Variants in CHCHD3 observed in about 807,000 individuals in gnomAD.
CHCHD3 encodes coiled-coil-helix-coiled-coil-helix domain containing 3, also known as MICOS complex subunit MIC19.
Under a neutral mutation model 38.2 loss-of-function variants are expected in CHCHD3, and 20 were observed. The ratio of observed to expected loss-of-function variants is 0.52; its 90% CI spans 0.37 to 0.76. The LOEUF is 0.76. CHCHD3 is among the 30% of genes least tolerant of loss of function. CHCHD3 has a pLI of 0.00. For missense variants in CHCHD3, 245 were observed against 279.2 expected, an observed-to-expected ratio of 0.88 and a Z score of 0.87; for synonymous variants, 82 against 100.0, an observed-to-expected ratio of 0.82 and a Z score of 1.07.
chr7:132,792,365 T>G (rs985079632), intron 7 of CHCHD3, among the ~76,000 whole-genome samples: 1 of 152,206 alleles, frequency 6.6e-6, no homozygotes, highest in Non-Finnish European at 1.5e-5. Context: ...TTGGAGAAAC[T>G]GTGAAACTGT....
chr7:132,810,316 T>A (rs1807036776), intron 6 of CHCHD3, among the ~76,000 whole-genome samples: 1 of 152,262 alleles, frequency 6.6e-6, no homozygotes, highest in African/African-American at 2.4e-5. Flanking sequence ...CACACTGAAC[T>A]GCACGTACCT....
intron 3 of CHCHD3, among the ~76,000 whole-genome samples, chr7:133,012,742 C>T (rs1047038424): frequency 1.4e-5 from 2 of 144,998 alleles, no homozygotes; most frequent in African/African-American, 5.1e-5. Flanking sequence ...CCACCATGGG[C>T]GACAGAGCCA....
At chr7:133,040,831 C>A (rs1185049851) in intron 2 of CHCHD3, among the ~76,000 whole-genome samples, 1 of 152,140 alleles carries the variant, frequency 6.6e-6, no homozygotes, top group Non-Finnish European at 1.5e-5. Flanking sequence ...TCTCTCACTC[C>A]CCTATACTAC....
intron 5 of CHCHD3, among the ~76,000 whole-genome samples, chr7:132,841,665 G>T (rs1017571137): frequency 6.6e-6 from 1 of 152,156 alleles, no homozygotes; most frequent in East Asian, 1.9e-4. Flanking sequence ...GATGATCTCC[G>T]AGTGGCAGCA....
intron 6 of CHCHD3, among the ~76,000 whole-genome samples, chr7:132,828,113 C>G (rs887754597): frequency 6.6e-6 from 1 of 152,120 alleles, no homozygotes; most frequent in Non-Finnish European, 1.5e-5. Flanking sequence ...TGTATATTTT[C>G]ATTTCTCTTG....
intron 4 of CHCHD3, among the ~76,000 whole-genome samples, chr7:132,965,009 T>A (rs1487480088): frequency 6.6e-6 from 1 of 152,058 alleles, no homozygotes; most frequent in Non-Finnish European, 1.5e-5. Flanking sequence ...ATTCGAGTAG[T>A]TACGGCTGCC....
intron 6 of CHCHD3, among the ~76,000 whole-genome samples, chr7:132,829,900 G>C (rs1470628591): frequency 6.6e-6 from 1 of 152,140 alleles, no homozygotes; most frequent in African/African-American, 2.4e-5. Flanking sequence ...TTCCCAATCA[G>C]CTTTGCCATC....
chr7:133,011,821 G>A (rs747576190), intron 3 of CHCHD3, among the ~76,000 whole-genome samples: 2 of 152,150 alleles, frequency 1.3e-5, no homozygotes, highest in South Asian at 2.1e-4. Flanking sequence ...TTTTATCTTA[G>A]GACCAAGCTC....
chr7:132,812,896 A>G (rs1190307372), intron 6 of CHCHD3, among the ~76,000 whole-genome samples: 3 of 152,190 alleles, frequency 2.0e-5, no homozygotes, highest in African/African-American at 4.8e-5. Context: ...GCGTCTTAAC[A>G]TGCATTGGCC....
intron 6 of CHCHD3, among the ~76,000 whole-genome samples, chr7:132,835,262 A>G (rs1585557134): frequency 6.6e-6 from 1 of 151,988 alleles, no homozygotes; most frequent in African/African-American, 2.4e-5. Flanking sequence ...GATTACAGGC[A>G]TGAGCCACCT....
At chr7:132,912,572 T>C (rs1002653481) in intron 4 of CHCHD3, among the ~76,000 whole-genome samples, 4 of 152,210 alleles carry the variant, frequency 2.6e-5, no homozygotes, top group Admixed American at 1.3e-4. Flanking sequence ...TTTTTTTCTT[T>C]GAGACAAAGT....
At chr7:133,066,684 A>G (rs1246477837) in intron 2 of CHCHD3, among the ~76,000 whole-genome samples, 1 of 152,170 alleles carries the variant, frequency 6.6e-6, no homozygotes, top group African/African-American at 2.4e-5. Context: ...AGAACTCTTC[A>G]CATCAGTGGC....
intron 4 of CHCHD3, among the ~76,000 whole-genome samples, chr7:132,930,768 C>T (rs1380360842): frequency 6.6e-6 from 1 of 152,148 alleles, no homozygotes; most frequent in Non-Finnish European, 1.5e-5. Flanking sequence ...AACCCATGTT[C>T]TCCCATCGCT....
chr7:132,896,250 A>G (rs2117193173), intron 4 of CHCHD3, among the ~76,000 whole-genome samples: 1 of 152,392 alleles, frequency 6.6e-6, no homozygotes, highest in Middle Eastern at 3.4e-3. Flanking sequence ...CAAAGCTTCT[A>G]TCACATATAA....
chr7:132,960,369 G>A lies in CHCHD3; in HGVS notation c.369+14800C>T, dbSNP rs550433687. Among the ~76,000 whole-genome samples, 113 of 152,282 alleles carry A rather than the reference G, an allele frequency of 7.4e-4. 2 individuals are homozygous for A. The South Asian group carries it at 0.022, about 30-fold the overall frequency. On this transcript the variant is annotated intron_variant, in intron 4 of 7. Coordinates refer to ENST00000262570, the MANE Select transcript of CHCHD3 (RefSeq NM_017812.4). ...TGGAAGTGGTGATGTGCAAGATGGA[G>A]AGACACAGTTAAAATATGCTGCATT...
chr7:132,794,346 T>C (rs1042709227), intron 7 of CHCHD3, among the ~76,000 whole-genome samples: 1 of 152,210 alleles, frequency 6.6e-6, no homozygotes, highest in Non-Finnish European at 1.5e-5. Flanking sequence ...AAATTCACTA[T>C]TGTGACTTCC....
chr7:132,944,510 A>G (rs972476177), intron 4 of CHCHD3, among the ~76,000 whole-genome samples: 18 of 152,038 alleles, frequency 1.2e-4, no homozygotes, highest in African/African-American at 4.3e-4. Context: ...AATAGCTGGA[A>G]TATTAGTAAT....
chr7:133,008,914 C>T, intron 3 of CHCHD3, among the ~76,000 whole-genome samples: 1 of 150,470 alleles, frequency 6.6e-6, no homozygotes, highest in East Asian at 2.0e-4. Flanking sequence ...GCTGACTCTG[C>T]TGAGTATGTG....
intron 2 of CHCHD3, among the ~76,000 whole-genome samples, chr7:133,047,475 G>A (rs757294543): frequency 6.6e-6 from 1 of 152,144 alleles, no homozygotes; most frequent in Non-Finnish European, 1.5e-5. Flanking sequence ...GTATATCCTT[G>A]AGCAAAAACG....
Sources: gnomAD v4.1 joint callset for allele counts (sites outside exome capture counted in the v4.1 genomes callset) on GRCh38, gnomAD v4.1.1 for gene constraint, MANE v1.5 for transcripts, NCBI Gene and HGNC (gene_info 2026-07-23, HGNC 2026-07-21) for gene names.